The following SNX29 variants were observed in gnomAD, a reference collection of about 807,000 sequenced individuals.
SNX29 encodes sorting nexin 29.
A neutral mutation model predicts 102.1 loss-of-function variants in SNX29; 78 were observed. The observed-to-expected ratio is 0.76, with a 90% confidence interval of 0.64 to 0.92. SNX29 has a LOEUF of 0.92. Ranked by LOEUF, SNX29 falls within the 40% of genes least tolerant of loss-of-function variation. SNX29 has a pLI of 0.00. For missense variants in SNX29, 1,280 were observed against 1,061.7 expected, an observed-to-expected ratio of 1.21 and a Z score of -2.86; for synonymous variants, 580 against 414.5, an observed-to-expected ratio of 1.40 and a Z score of -4.85.
chr16:12,020,276 C>G (rs2056979759), intron 3 of SNX29, among the ~76,000 whole-genome samples: 1 of 152,082 alleles, frequency 6.6e-6, no homozygotes, highest in Non-Finnish European at 1.5e-5. Flanking sequence ...GCATGCGCAA[C>G]CACACCCAGG....
At chr16:12,130,586 A>C (rs761127936) in intron 13 of SNX29, among the ~76,000 whole-genome samples, 1 of 152,176 alleles carries the variant, frequency 6.6e-6, no homozygotes, top group African/African-American at 2.4e-5. Context: ...TCAAAATACA[A>C]AAGGTGAACC....
intron 13 of SNX29, among the ~76,000 whole-genome samples, chr16:12,184,983 G>T (rs1356174929): frequency 6.6e-6 from 1 of 152,202 alleles, no homozygotes; most frequent in Non-Finnish European, 1.5e-5. Flanking sequence ...TGTTTGAGGG[G>T]CCAACAGCAG....
At chr16:12,521,043 C>CTG (rs1262068857) in intron 19 of SNX29, among the ~76,000 whole-genome samples, 1 of 152,034 alleles carries the variant, frequency 6.6e-6, no homozygotes, top group African/African-American at 2.4e-5. Context: ...CCAGACATGG[C>CTG]TGTGTGTGTG....
intron 3 of SNX29, among the ~76,000 whole-genome samples, chr16:12,024,474 C>G (rs146657367): frequency 4.1e-4 from 63 of 152,254 alleles, no homozygotes; most frequent in East Asian, 1.7e-3. Flanking sequence ...CCAGTAGATA[C>G]GTGCTCAGAT....
intron 9 of SNX29, among the ~76,000 whole-genome samples, chr16:12,063,482 C>G (rs9935696): frequency 0.32 from 47,592 of 148,662 alleles, 7,504 homozygotes; most frequent in Admixed American, 0.36. Context: ...TCAAGTGATT[C>G]TCCTGCCTCA....
chr16:12,117,198 G>A lies in SNX29; in HGVS notation c.1403-9435G>A, dbSNP rs528088974. ...GCACGGTCAATACGTGCTTCAACGCGGATGAACCGTGGAAACAGGCATGGT... is the reference window on the plus strand; with the variant it reads ...GCACGGTCAATACGTGCTTCAACGCAGATGAACCGTGGAAACAGGCATGGT... On this transcript the variant is annotated intron_variant, in intron 11 of 20. Transcript: ENST00000566228. Among the ~76,000 whole-genome samples, 115 of 142,942 alleles carry A rather than the reference G, an allele frequency of 8.0e-4. 7 individuals carry two copies. Among genetic ancestry groups the A allele is most frequent in the African/African-American group, 3.0e-3 (112 of 37,292 alleles). 93.8% of individuals were successfully genotyped at this position (142,942 alleles called of 152,430 possible).
chr16:12,496,660 G>T (rs1188431924), intron 19 of SNX29, among the ~76,000 whole-genome samples: 1 of 151,988 alleles, frequency 6.6e-6, no homozygotes, highest in Non-Finnish European at 1.5e-5. Flanking sequence ...ACAGGCACCT[G>T]CCACCATGCC....
intron 18 of SNX29, among the ~76,000 whole-genome samples, chr16:12,472,754 C>T (rs561075305): frequency 2.9e-4 from 44 of 152,006 alleles, no homozygotes; most frequent in Non-Finnish European, 4.9e-4. Flanking sequence ...GAGGTTTTTG[C>T]ATTTTTTTCT....
At chr16:12,509,142 G>A (rs1243420561) in intron 19 of SNX29, among the ~76,000 whole-genome samples, 1 of 152,162 alleles carries the variant, frequency 6.6e-6, no homozygotes, top group Admixed American at 6.5e-5. Context: ...GCAGTTAGAG[G>A]TAGTCCCACC....
intron 13 of SNX29, among the ~76,000 whole-genome samples, chr16:12,134,214 A>C (rs1004474887): frequency 6.6e-6 from 1 of 152,216 alleles, no homozygotes; most frequent in Non-Finnish European, 1.5e-5. Flanking sequence ...TTCTTGAATT[A>C]TTGTGGGGGG....
chr16:12,300,295 C>A (rs2080126081), intron 15 of SNX29, among the ~76,000 whole-genome samples: 1 of 152,210 alleles, frequency 6.6e-6, no homozygotes, highest in Non-Finnish European at 1.5e-5. Flanking sequence ...CTCCTGTCTT[C>A]CACCACTTTC....
chr16:12,007,042 G>T (rs771904960), intron 3 of SNX29, among the ~76,000 whole-genome samples: 3 of 152,006 alleles, frequency 2.0e-5, no homozygotes, highest in Admixed American at 6.5e-5. Context: ...GCTATTTAGT[G>T]ACTAAATGGT....
chr16:12,051,819 A>G, intron 7 of SNX29, 28 bp from the exon 8 acceptor site: 1 of 1,596,720 alleles, frequency 6.3e-7, no homozygotes, highest in Non-Finnish European at 8.5e-7. Context: ...TTTTTCTTAT[A>G]CTGTATCTTT....
At position 12,573,123 on chromosome 16, in the gene SNX29, G is replaced by C. The variant is rs968530795; in HGVS notation, c.*4494G>C. On this transcript the variant is annotated 3_prime_UTR_variant, in exon 21 of 21. Transcript: ENST00000566228. ...TTATGTTTTTCTAATACACAATCTT[G>C]ATCTTGTTTCCAAAATAAAGCTTCA... The C allele has an allele frequency of 4.4e-6, 1 of 229,176 alleles. No individual in the cohort carries two copies. The highest frequency in any genetic ancestry group is 8.6e-6 in the Non-Finnish European group (1 of 115,836). 14.2% of individuals were successfully genotyped at this position (229,176 alleles called of 1,614,324 possible). A position where few individuals can be genotyped will look rare whatever the true frequency, so the allele number is the denominator to read the frequency against.
chr16:12,479,994 A>C (rs983815974), intron 19 of SNX29, among the ~76,000 whole-genome samples: 5 of 152,190 alleles, frequency 3.3e-5, no homozygotes, highest in Non-Finnish European at 7.3e-5. Context: ...CTTTAAGCAA[A>C]ATGACATATT....
chr16:12,437,405 T>C (rs1479947738), intron 18 of SNX29, among the ~76,000 whole-genome samples: 2 of 152,186 alleles, frequency 1.3e-5, no homozygotes, highest in East Asian at 3.9e-4. Context: ...CAGGTTCAGA[T>C]GGCTGTGAGG....
intron 3 of SNX29, among the ~76,000 whole-genome samples, chr16:12,008,681 G>A (rs887152039): frequency 1.1e-4 from 17 of 151,318 alleles, no homozygotes; most frequent in African/African-American, 3.4e-4. Context: ...GCTCAGAGCC[G>A]TCCTCTGGCC....
intron 14 of SNX29, among the ~76,000 whole-genome samples, chr16:12,251,658 G>C (rs532269765): frequency 4.6e-5 from 7 of 152,132 alleles, no homozygotes; most frequent in African/African-American, 1.7e-4. Context: ...AGCTGAGATC[G>C]TGCCATTGCA....
At chr16:12,561,597 G>T (rs1464880222) in intron 20 of SNX29, among the ~76,000 whole-genome samples, 1 of 152,186 alleles carries the variant, frequency 6.6e-6, no homozygotes, top group African/African-American at 2.4e-5. Context: ...GCATGCTGGT[G>T]ACAGGACACA....
Sources: gnomAD v4.1 joint callset for allele counts (sites outside exome capture counted in the v4.1 genomes callset) on GRCh38, gnomAD v4.1.1 for gene constraint, MANE v1.5 for transcripts, NCBI Gene and HGNC (gene_info 2026-07-23, HGNC 2026-07-21) for gene names.